Variants in DDC observed in about 807,000 individuals in gnomAD.
DDC encodes the protein dopa decarboxylase.
DDC carries 43 observed loss-of-function variants against 60.0 expected under a neutral mutation model. The ratio of observed to expected loss-of-function variants is 0.72; its 90% CI spans 0.56 to 0.92. DDC has a LOEUF of 0.92. DDC is among the 40% of genes least tolerant of loss of function. The probability of loss-of-function intolerance (pLI) is 0.00; values close to 1 mark genes in which losing one functional copy is unlikely to be tolerated. For synonymous variants in DDC, 232 were observed against 234.6 expected, an observed-to-expected ratio of 0.99 and a Z score of 0.10; for missense variants, 573 against 620.2, an observed-to-expected ratio of 0.92 and a Z score of 0.81.
intron 1 of DDC, among the ~76,000 whole-genome samples, chr7:50,556,359 A>G (rs1398993007): frequency 6.6e-6 from 1 of 152,104 alleles, no homozygotes; most frequent in Non-Finnish European, 1.5e-5. Flanking sequence ...GAAAGGGGTG[A>G]TGGGTCTCTC....
At position 50,544,123 on chromosome 7, in the gene DDC, G is replaced by A. The variant is rs764599461; in HGVS notation, c.-28-10C>T. The A allele has an allele frequency of 1.9e-6, 3 of 1,604,420 alleles. No homozygotes were observed. The African/African-American group carries it at 4.0e-5, about 21-fold the overall frequency. On this transcript the variant is annotated splice_polypyrimidine_tract_variant and intron_variant, in intron 1 of 14. Coordinates refer to ENST00000444124, the MANE Select transcript of DDC (RefSeq NM_001082971.2). ...CTGTCAGAGGTGAAAACTGCAGAAA[G>A]AAAATGATTCAGTGAGCAAATTTTG...
intron 6 of DDC, among the ~76,000 whole-genome samples, chr7:50,524,660 G>A (rs559749428): frequency 6.6e-6 from 1 of 152,150 alleles, no homozygotes; most frequent in African/African-American, 2.4e-5. Flanking sequence ...AAAAAATAGT[G>A]ACAATACCAA....
chr7:50,469,490 A>C (rs1039663804), intron 12 of DDC, among the ~76,000 whole-genome samples: 2 of 152,180 alleles, frequency 1.3e-5, no homozygotes, highest in African/African-American at 4.8e-5. Context: ...TGTTCTCATA[A>C]TTGCCATTGC....
chr7:50,564,103 A>T (rs1219760782), intron 1 of DDC: 1 of 152,160 alleles, frequency 6.6e-6, no homozygotes, highest in Non-Finnish European at 1.5e-5. Flanking sequence ...CTTATTTAGT[A>T]ATTTTTAAGA....
chr7:50,465,171 A>C (rs2042367476), intron 13 of DDC, among the ~76,000 whole-genome samples: 1 of 152,248 alleles, frequency 6.6e-6, no homozygotes, highest in Non-Finnish European at 1.5e-5. Context: ...AACAGTCATA[A>C]AAGGCAATAT....
At chr7:50,556,766 G>T (rs2045202707) in intron 1 of DDC, among the ~76,000 whole-genome samples, 1 of 152,146 alleles carries the variant, frequency 6.6e-6, no homozygotes, top group Non-Finnish European at 1.5e-5. Context: ...GGCGAGATTG[G>T]TCTGCGTTGG....
intron 9 of DDC, among the ~76,000 whole-genome samples, chr7:50,485,971 G>T (rs1455703459): frequency 2.0e-5 from 3 of 152,328 alleles, no homozygotes; most frequent in Admixed American, 6.5e-5. Context: ...AAGTATACTT[G>T]CTGTACTTGT....
At chr7:50,490,378 AG>A (rs1381290560) in intron 9 of DDC, among the ~76,000 whole-genome samples, 1 of 152,190 alleles carries the variant, frequency 6.6e-6, no homozygotes, top group Non-Finnish European at 1.5e-5. Flanking sequence ...GCTTTTAAAA[AG>A]GTCTAAATCA....
At chr7:50,530,638 G>A (rs781646741) in intron 4 of DDC, among the ~76,000 whole-genome samples, 2 of 152,046 alleles carry the variant, frequency 1.3e-5, no homozygotes, top group Non-Finnish European at 2.9e-5. Flanking sequence ...GGTAGGGCAC[G>A]GTTAGGAGTG....
chr7:50,489,094 C>T (rs976357482), intron 9 of DDC, among the ~76,000 whole-genome samples: 5 of 152,180 alleles, frequency 3.3e-5, no homozygotes, highest in African/African-American at 1.2e-4. Context: ...GCAGCCTCTG[C>T]CTCCCAGGTT....
intron 4 of DDC, among the ~76,000 whole-genome samples, chr7:50,533,326 C>CTTGTTTTT: frequency 6.7e-6 from 1 of 148,922 alleles, no homozygotes; most frequent in African/African-American, 2.5e-5. Flanking sequence ...GACAGGGTCT[C>CTTGTTTTT]ACTCTGTCAC....
At chr7:50,540,258 A>G in intron 2 of DDC, 1 of 512,740 alleles carries the variant, frequency 2.0e-6, no homozygotes, top group Non-Finnish European at 3.6e-6. Flanking sequence ...CCTTTTTGAC[A>G]CTGGAATGTA....
intron 1 of DDC, among the ~76,000 whole-genome samples, chr7:50,550,961 T>C (rs2044974072): frequency 6.6e-6 from 1 of 152,244 alleles, no homozygotes; most frequent in South Asian, 2.1e-4. Context: ...AAATGTCAGC[T>C]ATTAGCTTTT....
At position 50,504,491 on chromosome 7, in the gene DDC, C is replaced by T. The variant is rs149080108; in HGVS notation, c.715-432G>A. Among the ~76,000 whole-genome samples, 1,445 of 150,982 alleles carry T rather than the reference C, an allele frequency of 9.6e-3. 30 individuals carry two copies. The highest frequency in any genetic ancestry group is 0.01 in the Non-Finnish European group (689 of 67,794). ...AACGTTCTATGTAACATTAGTGTAA[C>T]TATGTTCTTATATTCCATATATACA... On this transcript the variant is annotated intron_variant, in intron 6 of 14. Coordinates refer to ENST00000444124, the MANE Select transcript of DDC (RefSeq NM_001082971.2).
intron 14 of DDC, among the ~76,000 whole-genome samples, chr7:50,460,406 G>A (rs984371604): frequency 8.6e-5 from 13 of 150,534 alleles, no homozygotes; most frequent in Non-Finnish European, 1.8e-4. Context: ...CCGGGAGGAA[G>A]GTGGGGGGGT....
intron 6 of DDC, 88 bp from the exon 7 acceptor site, chr7:50,504,147 C>G: frequency 1.1e-6 from 1 of 899,244 alleles, no homozygotes; most frequent in Non-Finnish European, 1.9e-6. Context: ...CCCCATGGTC[C>G]AACCTGGGGC....
At chr7:50,539,739 A>G (rs1024547258) in intron 3 of DDC, 176 bp downstream of exon 3, 4 of 619,150 alleles carry the variant, frequency 6.5e-6, no homozygotes, top group East Asian at 2.9e-5. Context: ...CTCAATCGCT[A>G]CTTTCTCAGA....
At chr7:50,557,702 G>A (rs913224310) in intron 1 of DDC, among the ~76,000 whole-genome samples, 11 of 152,230 alleles carry the variant, frequency 7.2e-5, no homozygotes, top group Admixed American at 3.9e-4. Context: ...GCACCGTCAT[G>A]AGTAGATGCC....
At chr7:50,466,703 A>ATGAT (rs1378540157) in intron 13 of DDC, among the ~76,000 whole-genome samples, 1 of 152,188 alleles carries the variant, frequency 6.6e-6, no homozygotes, top group Non-Finnish European at 1.5e-5. Context: ...GCACAGCATC[A>ATGAT]GGCAGCAAAA....
Sources: gnomAD v4.1 joint callset for allele counts (sites outside exome capture counted in the v4.1 genomes callset) on GRCh38, gnomAD v4.1.1 for gene constraint, MANE v1.5 for transcripts, NCBI Gene and HGNC (gene_info 2026-07-23, HGNC 2026-07-21) for gene names.